The following TRIM37 variants were observed in gnomAD, a reference collection of about 807,000 sequenced individuals.
TRIM37 encodes the protein E3 ubiquitin-protein ligase TRIM37.
In TRIM37, 80 loss-of-function variants were observed where a neutral mutation model predicts 129.8. The ratio of observed to expected loss-of-function variants is 0.62; its 90% CI spans 0.51 to 0.74. The LOEUF is 0.74. Ranked by LOEUF, TRIM37 falls within the 30% of genes least tolerant of loss-of-function variation. The pLI, the probability that TRIM37 is intolerant of heterozygous loss-of-function variation, is 0.00. For missense variants in TRIM37, 1,054 were observed against 1,176.5 expected (o/e 0.90, Z 1.52); for synonymous variants, 389 against 387.1 (o/e 1.00, Z -0.06).
intron 19 of TRIM37, among the ~76,000 whole-genome samples, chr17:59,025,269 A>C (rs2145418931): frequency 6.6e-6 from 1 of 152,248 alleles, no homozygotes; most frequent in Admixed American, 6.5e-5. Flanking sequence ...ATATGTAAAA[A>C]AGTTAGAAAA....
At chr17:59,071,028 TTC>T in intron 8 of TRIM37, 81 bp from the exon 9 acceptor site, 3 of 1,526,310 alleles carry the variant, frequency 2.0e-6, no homozygotes, top group Non-Finnish European at 2.7e-6. Flanking sequence ...TTACAAATTA[TTC>T]TGATTATAAA....
chr17:59,057,024 C>A lies in TRIM37; in HGVS notation c.1050G>T (p.Gln350His). 5 of 1,613,734 alleles carry A rather than the reference C, an allele frequency of 3.1e-6. No homozygotes were observed. The highest frequency in any genetic ancestry group is 4.2e-6 in the Non-Finnish European group (5 of 1,179,880). The change falls in exon 13 of 24, where the codon CAG (glutamine) becomes CAT (histidine). Residue 350 changes from glutamine (Q) to histidine (H), a missense_variant. By Grantham distance (24) the Gln-to-His change is conservative. Transcript: ENST00000262294. ...KYEYRVEMVH[Q>H]SCNDPTKNII... ...TATTTTTTGTAGGATCATTACAGGA[C>A]TGGTGAACCATCTCTACACGATATT... is the stretch of plus-strand genomic sequence containing the variant.
chr17:59,023,007 A>G (rs1187223433), intron 19 of TRIM37, among the ~76,000 whole-genome samples: 4 of 152,172 alleles, frequency 2.6e-5, no homozygotes, highest in Non-Finnish European at 4.4e-5. Flanking sequence ...AGAAAGATTG[A>G]ATATATTACT....
intron 16 of TRIM37, among the ~76,000 whole-genome samples, chr17:59,042,474 A>C (rs1203873481): frequency 9.8e-5 from 13 of 132,184 alleles, no homozygotes; most frequent in African/African-American, 3.1e-4. Flanking sequence ...ATATATATAT[A>C]TCTCAAGGCC....
intron 12 of TRIM37, among the ~76,000 whole-genome samples, 160 bp downstream of exon 12, chr17:59,060,872 G>T (rs1317092437): frequency 6.6e-6 from 1 of 152,064 alleles, no homozygotes; most frequent in African/African-American, 2.4e-5. Context: ...AAAATATTTT[G>T]TTTTTAGAAA....
intron 2 of TRIM37, among the ~76,000 whole-genome samples, chr17:59,103,313 C>T (rs2147667569): frequency 6.6e-6 from 1 of 152,124 alleles, no homozygotes; most frequent in Admixed American, 6.5e-5. Flanking sequence ...CATACACAAC[C>T]AAAATCTTGG....
At chr17:59,105,348 C>G (rs1483107222) in intron 1 of TRIM37, among the ~76,000 whole-genome samples, 1 of 152,018 alleles carries the variant, frequency 6.6e-6, no homozygotes, top group Non-Finnish European at 1.5e-5. Flanking sequence ...GAGATTCTGC[C>G]CCAATTGAAA....
chr17:59,009,539 G>A (rs947819882), intron 22 of TRIM37, among the ~76,000 whole-genome samples: 2 of 146,500 alleles, frequency 1.4e-5, no homozygotes, highest in South Asian at 2.2e-4. Context: ...TCCGCCTCCC[G>A]GGTTCAAGCG....
At chr17:59,093,126 T>C (rs2044548310) in intron 2 of TRIM37, among the ~76,000 whole-genome samples, 1 of 151,952 alleles carries the variant, frequency 6.6e-6, no homozygotes, top group South Asian at 2.1e-4. Flanking sequence ...CTACAGCCTG[T>C]GTAACAGAGC....
At chr17:59,077,995 C>T (rs1333262194) in intron 7 of TRIM37, among the ~76,000 whole-genome samples, 1 of 151,404 alleles carries the variant, frequency 6.6e-6, no homozygotes, top group Non-Finnish European at 1.5e-5. Flanking sequence ...GGTGGTGGCA[C>T]GTGCCTGTAG....
At chr17:58,976,931 TA>T in the TRIM37 span, among the ~76,000 whole-genome samples, 1 of 152,152 alleles carries the variant, frequency 6.6e-6, no homozygotes, top group Non-Finnish European at 1.5e-5. Context: ...TCAGGTAGAA[TA>T]GGGGATGGGA....
In TRIM37 at chr17:58,998,264, G is replaced by T; in HGVS notation, c.*1113C>A. ...TATTTTGAACAAAAGTAAACTATGAGTCACAGCATTCAGCAAGACATCAGA... is the reference window on the plus strand; with the variant it reads ...TATTTTGAACAAAAGTAAACTATGATTCACAGCATTCAGCAAGACATCAGA... On this transcript the variant is annotated 3_prime_UTR_variant, in exon 24 of 24. Coordinates refer to ENST00000262294, the MANE Select transcript of TRIM37 (RefSeq NM_015294.6). The T allele has an allele frequency of 1.0e-6, 1 of 985,418 alleles. No homozygotes were observed. The highest frequency in any genetic ancestry group is 1.2e-6 in the Non-Finnish European group (1 of 829,930). The allele number at this position is 985,418 out of a possible 1,614,324, so 61.0% of individuals were successfully genotyped here. A position where few individuals can be genotyped will look rare whatever the true frequency, so the allele number is the denominator to read the frequency against.
At chr17:59,104,200 C>CA in intron 2 of TRIM37, 93 bp downstream of exon 2, 1 of 1,306,674 alleles carries the variant, frequency 7.7e-7, no homozygotes, top group Non-Finnish European at 1.1e-6. Context: ...CACTTTAGGG[C>CA]AAAAAATGTA....
In TRIM37 at chr17:59,056,992, C is replaced by G; in HGVS notation, c.1082G>C (p.Arg361Pro). ...SCNDPTKNIIREFASDFEVGE... is the reference protein window; with the variant it reads ...SCNDPTKNIIPEFASDFEVGE... The stretch of plus-strand genomic sequence containing the variant: ...AACTTCAAAGTCAGATGCAAATTCT[C>G]GAATGATATTTTTTGTAGGATCATT... The change falls in exon 13 of 24, where the codon CGA becomes CCA. Residue 361 changes from arginine (R) to proline (P), a missense_variant. Arg to Pro is a moderately radical substitution (Grantham distance 103). Coordinates refer to ENST00000262294, the MANE Select transcript of TRIM37 (RefSeq NM_015294.6). The G allele has an allele frequency of 1.2e-6, 2 of 1,613,720 alleles. No individual in the cohort carries two copies. Among genetic ancestry groups the G allele is most frequent in the African/African-American group, 2.7e-5 (2 of 74,946 alleles).
intron 4 of TRIM37, among the ~76,000 whole-genome samples, chr17:59,086,326 C>T (rs2043751497): frequency 1.3e-5 from 2 of 151,872 alleles, no homozygotes; most frequent in Non-Finnish European, 2.9e-5. Context: ...CAACCTCCAC[C>T]TTCTAGGTTC....
In TRIM37 at chr17:59,091,340, G is replaced by A. The variant is rs868397103; in HGVS notation, c.124C>T (p.Arg42Cys). The change falls in exon 3 of 24, where the codon CGC (arginine) becomes TGC (cysteine). Residue 42 changes from arginine to cysteine, a missense_variant and splice_region_variant. Arg to Cys is a radical substitution (Grantham distance 180). Transcript: ENST00000262294. ...SKLCCFSCIR[R>C]WLTEQRAQCP... is the part of the protein sequence containing the mutation. ...TGAGCTCTCTGCTCTGTCAGCCAGC[G>A]CTAAGGGGGCAAAAGATTAGATATC... 1.2e-5 allele frequency: 18 copies of A among 1,551,042 alleles called. No homozygotes were observed. Among genetic ancestry groups the A allele is most frequent in the African/African-American group, 2.8e-5 (2 of 72,192 alleles).
downstream of TRIM37, among the ~76,000 whole-genome samples, chr17:58,995,730 T>C (rs906160389): frequency 1.3e-5 from 2 of 152,184 alleles, no homozygotes; most frequent in Non-Finnish European, 2.9e-5. Context: ...GGTGCTAAAA[T>C]TCGTAAGCAA....
In TRIM37 at chr17:59,017,329, G is replaced by A. The variant is rs541005891; in HGVS notation, c.2353C>T (p.Arg785Cys). 9 of 1,613,900 alleles carry A rather than the reference G, an allele frequency of 5.6e-6. No individual in the cohort carries two copies. The highest frequency in any genetic ancestry group is 5.5e-5 in the South Asian group (5 of 91,086). The change falls in exon 20 of 24, where the codon CGT becomes TGT. Residue 785 changes from arginine to cysteine, a missense_variant. Coordinates refer to ENST00000262294, the MANE Select transcript of TRIM37 (RefSeq NM_015294.6). ...RRAVDPGENSRSKGDCQTLSE... is the reference protein window; with the variant it reads ...RRAVDPGENSCSKGDCQTLSE... The stretch of plus-strand genomic sequence containing the variant: ...AGAGTCTGACAGTCTCCCTTTGAAC[G>A]ACTATTTTCTCCAGGGTCCACTGCT...
chr17:59,038,905 C>T (rs907668958), intron 17 of TRIM37, among the ~76,000 whole-genome samples: 32 of 152,302 alleles, frequency 2.1e-4, no homozygotes, highest in African/African-American at 7.7e-4. Flanking sequence ...TTACTGACTG[C>T]CAGATGCTGA....
Sources: allele counts gnomAD v4.1 joint callset (sites outside exome capture counted in the v4.1 genomes callset), GRCh38; gene constraint gnomAD v4.1.1; transcripts MANE v1.5; gene names NCBI Gene and HGNC (gene_info 2026-07-23, HGNC 2026-07-21).